The following AP3B1 variants were observed in gnomAD, a reference collection of about 807,000 sequenced individuals.
The protein encoded by AP3B1 is adaptor related protein complex 3 subunit beta 1, also known as AP-3 complex subunit beta-1.
Under a neutral mutation model 132.5 loss-of-function variants are expected in AP3B1, and 61 were observed. The observed-to-expected ratio is 0.46, with a 90% CI of 0.37 to 0.57. AP3B1 has a LOEUF of 0.57. Among genes scored for constraint, AP3B1 ranks in the 20% least tolerant of loss-of-function variants. The pLI is 0.00. For missense variants in AP3B1, 1,120 were observed against 1,289.4 expected (o/e 0.87, Z 2.01); for synonymous variants, 388 against 438.3 (o/e 0.89, Z 1.43).
At chr5:78,026,603 T>TC (rs1747350335) in intron 24 of AP3B1, among the ~76,000 whole-genome samples, 1 of 152,230 alleles carries the variant, frequency 6.6e-6, no homozygotes. Flanking sequence ...CCAATTTTTC[T>TC]CCATTATAAA....
At chr5:78,039,378 G>A (rs1392603260) in intron 22 of AP3B1, 104 bp from the exon 23 acceptor site, 1 of 879,766 alleles carries the variant, frequency 1.1e-6, no homozygotes, top group African/African-American at 1.7e-5. Flanking sequence ...TTCCCCTACA[G>A]TATTATATGA....
chr5:78,129,787 C>CTG (rs1752616219), intron 15 of AP3B1, among the ~76,000 whole-genome samples: 1 of 152,094 alleles, frequency 6.6e-6, no homozygotes, highest in Non-Finnish European at 1.5e-5. Context: ...TGTCTGCACT[C>CTG]TGACTGCACT....
At chr5:78,251,974 C>T (rs370710949) in intron 2 of AP3B1, among the ~76,000 whole-genome samples, 29 of 152,286 alleles carry the variant, frequency 1.9e-4, no homozygotes, top group Middle Eastern at 3.4e-3. Flanking sequence ...CTTTGTCTTG[C>T]ATCTTGGATA....
intron 7 of AP3B1, among the ~76,000 whole-genome samples, chr5:78,184,122 T>C (rs1744494843): frequency 6.6e-6 from 1 of 151,280 alleles, no homozygotes; most frequent in African/African-American, 2.4e-5. Flanking sequence ...TGAGTGGAGA[T>C]TGCGCCACTG....
chr5:78,193,768 A>ATTTTTTTT (rs748328573), intron 7 of AP3B1, among the ~76,000 whole-genome samples: 12 of 66,666 alleles, frequency 1.8e-4, no homozygotes, highest in African/African-American at 5.4e-4. Flanking sequence ...ATATATATAT[A>ATTTTTTTT]TATTTTTTTT....
intron 14 of AP3B1, among the ~76,000 whole-genome samples, chr5:78,155,146 T>C (rs1743094770): frequency 1.3e-5 from 2 of 152,210 alleles, no homozygotes; most frequent in Admixed American, 1.3e-4. Context: ...AGCCCAATAA[T>C]GATGTGGTTC....
At position 78,126,523 on chromosome 5, in the gene AP3B1, A is replaced by AAG. The variant is rs1388231275; in HGVS notation, c.1968+1506_1968+1507insCT. On this transcript the variant is annotated intron_variant, in intron 17 of 26. Transcript: ENST00000255194. Reference sequence around the variant, plus strand: ...CTGTCTCAAAAAAAAAAAAAAAAAAAAAAAAAAAAATTGCACAAATAAGGC... The same window carrying AAG: ...CTGTCTCAAAAAAAAAAAAAAAAAAAAGAAAAAAAAAATTGCACAAATAAGGC... Among the ~76,000 whole-genome samples, 3 of 151,238 alleles carry AAG rather than the reference A, an allele frequency of 2.0e-5. No individual in the cohort carries two copies. In the East Asian group the frequency reaches 5.8e-4, roughly 29 times the overall value.
At chr5:78,216,871 A>G (rs574832720) in intron 6 of AP3B1, among the ~76,000 whole-genome samples, 1 of 152,274 alleles carries the variant, frequency 6.6e-6, no homozygotes, top group South Asian at 2.1e-4. Context: ...GGAATAATAT[A>G]TTACTAACAA....
intron 25 of AP3B1, 145 bp downstream of exon 25, chr5:78,020,547 G>A (rs1747046531): frequency 3.0e-6 from 2 of 671,762 alleles, no homozygotes; most frequent in Non-Finnish European, 5.3e-6. Context: ...GGTTGTAAGT[G>A]CAAAGCATTA....
chr5:78,191,591 C>A (rs1423877825), intron 7 of AP3B1, among the ~76,000 whole-genome samples: 1 of 152,028 alleles, frequency 6.6e-6, no homozygotes, highest in East Asian at 1.9e-4. Flanking sequence ...CATCTCAATC[C>A]ATAATTGAGG....
intron 22 of AP3B1, among the ~76,000 whole-genome samples, chr5:78,071,903 A>G (rs189302334): frequency 5.9e-5 from 9 of 152,358 alleles, no homozygotes; most frequent in Non-Finnish European, 8.8e-5. Flanking sequence ...AAGGGACTCT[A>G]GAATCCTGTT....
chr5:78,161,338 A>ATCAGTG (rs1203383854), intron 13 of AP3B1, among the ~76,000 whole-genome samples: 5 of 152,120 alleles, frequency 3.3e-5, no homozygotes, highest in African/African-American at 1.2e-4. Flanking sequence ...GAATGAACTA[A>ATCAGTG]TCAGTGTTCT....
rs560998837 is a variant in AP3B1 at position 78,259,009 on chromosome 5, G to A, written c.204+8511C>T. ...TCCCAGCACTTTGAGAGGCCAAGGC[G>A]GACGGATCATGAGATCAGGAGATCG... is the stretch of plus-strand genomic sequence containing the variant. On this transcript the variant is annotated intron_variant, in intron 2 of 26. Transcript: ENST00000255194. 3.9e-5 allele frequency among the ~76,000 whole-genome samples: 6 copies of A among 152,216 alleles called. No homozygotes were observed. The South Asian group carries it at 8.3e-4, about 21-fold the overall frequency.
At chr5:78,034,248 T>C (rs1430368331) in intron 24 of AP3B1, 113 bp downstream of exon 24, 1 of 822,240 alleles carries the variant, frequency 1.2e-6, no homozygotes, top group African/African-American at 1.7e-5. Context: ...AAGCAAAACA[T>C]ATTTGTTTAA....
At chr5:78,136,033 C>T (rs1227641124) in intron 15 of AP3B1, among the ~76,000 whole-genome samples, 4 of 151,684 alleles carry the variant, frequency 2.6e-5, no homozygotes, top group African/African-American at 7.3e-5. Flanking sequence ...AAAAGAGGGG[C>T]GGGGAGATTT....
intron 1 of AP3B1, among the ~76,000 whole-genome samples, chr5:78,271,890 G>T (rs529459975): frequency 6.6e-6 from 1 of 152,080 alleles, no homozygotes; most frequent in Non-Finnish European, 1.5e-5. Flanking sequence ...TTTTTGAACC[G>T]GCCCTGCAAA....
At chr5:78,007,211 GTATT>G (rs1381975226) in intron 26 of AP3B1, among the ~76,000 whole-genome samples, 1 of 152,186 alleles carries the variant, frequency 6.6e-6, no homozygotes, top group Non-Finnish European at 1.5e-5. Context: ...GAATTTAAAA[GTATT>G]TATCTGAGAG....
chr5:78,156,161 G>C, intron 14 of AP3B1, 97 bp downstream of exon 14: 1 of 848,668 alleles, frequency 1.2e-6, no homozygotes, highest in Non-Finnish European at 2.0e-6. Flanking sequence ...AGACACTTCA[G>C]CTCTCCTAAC....
intron 14 of AP3B1, among the ~76,000 whole-genome samples, chr5:78,143,032 T>C (rs376082889): frequency 6.6e-6 from 1 of 152,162 alleles, no homozygotes; most frequent in South Asian, 2.1e-4. Flanking sequence ...TAATGAAAGG[T>C]AGTTCTAAAT....
Sources: gnomAD v4.1 joint callset for allele counts (sites outside exome capture counted in the v4.1 genomes callset) on GRCh38, gnomAD v4.1.1 for gene constraint, MANE v1.5 for transcripts, NCBI Gene and HGNC (gene_info 2026-07-23, HGNC 2026-07-21) for gene names.